Variants in CAST observed in about 807,000 individuals in gnomAD.
CAST encodes MIR583 host.
In CAST, 76 loss-of-function variants were observed where a neutral mutation model predicts 119.6. The ratio of observed to expected loss-of-function variants is 0.64; its 90% confidence interval spans 0.53 to 0.77. The LOEUF (loss-of-function observed/expected upper bound fraction) is 0.77, where lower values mean the gene tolerates loss of function less well. Among genes scored for constraint, CAST ranks in the 30% least tolerant of loss-of-function variants. The pLI is 0.00. For missense variants in CAST, 953 were observed against 946.5 expected (o/e 1.01, Z -0.09); for synonymous variants, 319 against 331.6 (o/e 0.96, Z 0.41).
chr5:96,096,269 C>T, the CAST span, among the ~76,000 whole-genome samples: 1 of 152,120 alleles, frequency 6.6e-6, no homozygotes, highest in Non-Finnish European at 1.5e-5. Flanking sequence ...CTTTGCTGCT[C>T]AAGTCATTCA....
At chr5:96,705,300 C>A (rs968772818) in intron 3 of CAST, among the ~76,000 whole-genome samples, 9 of 149,452 alleles carry the variant, frequency 6.0e-5, no homozygotes, top group Non-Finnish European at 7.4e-5. Context: ...CCTGACACAG[C>A]GATGAGACTC....
intron 1 of CAST, among the ~76,000 whole-genome samples, chr5:96,600,669 C>T (rs1295450520): frequency 6.6e-6 from 1 of 152,134 alleles, no homozygotes; most frequent in Non-Finnish European, 1.5e-5. Context: ...TCCTTCCTTA[C>T]CTGCATATTC....
the CAST span, among the ~76,000 whole-genome samples, chr5:96,514,537 A>G: frequency 5.9e-5 from 9 of 152,296 alleles, no homozygotes; most frequent in South Asian, 1.9e-3. Flanking sequence ...TCTTACTTGT[A>G]GTTGATCAAA....
At chr5:96,292,012 T>G in the CAST span, among the ~76,000 whole-genome samples, 1 of 152,156 alleles carries the variant, frequency 6.6e-6, no homozygotes, top group Non-Finnish European at 1.5e-5. Flanking sequence ...CTAGAACAAT[T>G]CAGACTTTTG....
chr5:95,963,765 A>G, the CAST span, among the ~76,000 whole-genome samples: 2 of 144,702 alleles, frequency 1.4e-5, no homozygotes, highest in Admixed American at 7.0e-5. Context: ...GACTGAGCAC[A>G]TAGCTAAAGC....
At chr5:95,968,643 C>T in the CAST span, among the ~76,000 whole-genome samples, 4 of 152,108 alleles carry the variant, frequency 2.6e-5, no homozygotes, top group East Asian at 3.9e-4. Context: ...TCAACACATA[C>T]GGACACAGAA....
chr5:96,117,844 G>GA, the CAST span, among the ~76,000 whole-genome samples: 1 of 152,112 alleles, frequency 6.6e-6, no homozygotes, highest in African/African-American at 2.4e-5. Context: ...CCAATCTTGG[G>GA]AAAAAAATTC....
At chr5:96,236,366 G>A in the CAST span, among the ~76,000 whole-genome samples, 1 of 152,176 alleles carries the variant, frequency 6.6e-6, no homozygotes, top group Admixed American at 6.5e-5. Context: ...GGTCCCCCGT[G>A]AATCTGCCAG....
chr5:96,379,438 C>T, the CAST span: 1 of 152,118 alleles, frequency 6.6e-6, no homozygotes, highest in African/African-American at 2.4e-5. Flanking sequence ...TATTAACTTA[C>T]ACTGTAGCAT....
intron 1 of CAST, among the ~76,000 whole-genome samples, chr5:96,664,411 A>G (rs146933646): frequency 6.7e-6 from 1 of 150,066 alleles, no homozygotes; most frequent in South Asian, 2.1e-4. Flanking sequence ...ATATATATAT[A>G]TATGCACACA....
the CAST span, among the ~76,000 whole-genome samples, chr5:96,081,712 T>G: frequency 6.6e-6 from 1 of 152,188 alleles, no homozygotes; most frequent in East Asian, 1.9e-4. Flanking sequence ...GATCAGCAGA[T>G]GAAGTCTTTA....
the CAST span, among the ~76,000 whole-genome samples, chr5:96,236,470 A>G: frequency 2.0e-5 from 3 of 151,988 alleles, no homozygotes; most frequent in Non-Finnish European, 2.9e-5. Flanking sequence ...CTCCTCGGGG[A>G]CTCTAGAGTC....
rs575374062 is a variant in CAST, at chr5:96,622,983, C to T, written c.61-52556C>T. Among the ~76,000 whole-genome samples the T allele has an allele frequency of 7.4e-5, 11 of 147,748 alleles. No homozygotes were observed. In the South Asian group the frequency reaches 1.7e-3, roughly 23 times the overall value. ...GATTCAAGCTATTCTTCTGCTTCAG[C>T]CTCCTGAGTAGCTGGGACTACAGGT... On this transcript the variant is annotated intron_variant, in intron 1 of 11. Coordinates refer to the CAST transcript ENST00000505143.
At chr5:96,607,787 C>A (rs888994323) in intron 1 of CAST, among the ~76,000 whole-genome samples, 1 of 152,080 alleles carries the variant, frequency 6.6e-6, no homozygotes, top group Non-Finnish European at 1.5e-5. Context: ...TGGTACCAGC[C>A]CAGAATAGGT....
the CAST span, among the ~76,000 whole-genome samples, chr5:96,470,613 G>A: frequency 6.6e-6 from 1 of 151,972 alleles, no homozygotes; most frequent in African/African-American, 2.4e-5. Flanking sequence ...TAAGTCCTTG[G>A]TATGCTTAGT....
chr5:96,338,628 G>A, the CAST span, among the ~76,000 whole-genome samples: 1 of 152,168 alleles, frequency 6.6e-6, no homozygotes, highest in Non-Finnish European at 1.5e-5. Context: ...ATGTGATTTG[G>A]TGGATAGCTT....
In CAST at chr5:96,736,178, G is replaced by C. The variant is rs770269348; in HGVS notation, c.637G>C (p.Glu213Gln). 8 of 1,609,490 alleles carry C rather than the reference G, an allele frequency of 5.0e-6. No individual in the cohort carries two copies. In the South Asian group the frequency reaches 7.7e-5, roughly 16 times the overall value. The change falls in exon 10 of 32, where the codon GAA becomes CAA. Residue 213 changes from glutamate (E) to glutamine (Q), a missense_variant. Transcript: ENST00000675179. ...ISGKPGDKKK[E>Q]KKSLTPAVPV... ...ATTTCTCAATTCTCACCAGAAAAAAGAAAAGAAATCATTAACCCCAGCTGT... is the reference window on the plus strand; with the variant it reads ...ATTTCTCAATTCTCACCAGAAAAAACAAAAGAAATCATTAACCCCAGCTGT...
At chr5:96,253,263 G>A in the CAST span, among the ~76,000 whole-genome samples, 2 of 152,088 alleles carry the variant, frequency 1.3e-5, no homozygotes, top group Admixed American at 6.6e-5. Context: ...GAAATGACTT[G>A]TATTTGTTTC....
At chr5:96,265,762 T>C in the CAST span, among the ~76,000 whole-genome samples, 1 of 152,196 alleles carries the variant, frequency 6.6e-6, no homozygotes, top group Non-Finnish European at 1.5e-5. Flanking sequence ...TAGTACACAC[T>C]GTGGTTTCAT....
Sources: allele counts gnomAD v4.1 joint callset (sites outside exome capture counted in the v4.1 genomes callset), GRCh38; gene constraint gnomAD v4.1.1; transcripts MANE v1.5; gene names NCBI Gene and HGNC (gene_info 2026-07-23, HGNC 2026-07-21).